POU2F1: variants seen among roughly 807,000 people sequenced by gnomAD.
POU2F1 encodes POU domain, class 2, transcription factor 1.
In POU2F1, 16 loss-of-function variants were observed where a neutral mutation model predicts 84.9. That is an observed-to-expected ratio of 0.19 (90% CI 0.13 to 0.29). The LOEUF is 0.29. Ranked by LOEUF, POU2F1 falls within the 10% of genes least tolerant of loss-of-function variation. The pLI, the probability that POU2F1 is intolerant of heterozygous loss-of-function variation, is 1.00. For missense variants in POU2F1, 738 were observed against 942.6 expected (o/e 0.78, Z 2.84); for synonymous variants, 368 against 368.3 (o/e 1.00, Z 0.01).
At chr1:167,389,500 G>A in intron 8 of POU2F1, 88 bp from the exon 9 acceptor site, 1 of 1,404,272 alleles carries the variant, frequency 7.1e-7, no homozygotes. Flanking sequence ...ATCCATAAAT[G>A]TGGCTCTTTC....
At chr1:167,255,215 A>G (rs920983183) in intron 1 of POU2F1, among the ~76,000 whole-genome samples, 2 of 152,234 alleles carry the variant, frequency 1.3e-5, no homozygotes, top group African/African-American at 4.8e-5. Context: ...ATGCTGTAAG[A>G]GAAACTGTTG....
At chr1:167,359,728 C>T (rs1343197270) in intron 2 of POU2F1, among the ~76,000 whole-genome samples, 1 of 150,036 alleles carries the variant, frequency 6.7e-6, no homozygotes, top group Non-Finnish European at 1.5e-5. Context: ...AATGGTAATT[C>T]TGTTTTTAGT....
intron 1 of POU2F1, among the ~76,000 whole-genome samples, chr1:167,254,479 C>A (rs1373011514): frequency 6.6e-6 from 1 of 152,130 alleles, no homozygotes; most frequent in Non-Finnish European, 1.5e-5. Flanking sequence ...TTGTGTCTTG[C>A]CTAAGTTTAA....
chr1:167,373,178 T>C (rs981830433), intron 5 of POU2F1, among the ~76,000 whole-genome samples: 6 of 152,178 alleles, frequency 3.9e-5, no homozygotes, highest in Non-Finnish European at 8.8e-5. Context: ...TTGATTCTTT[T>C]AGAGGAGGTT....
intron 2 of POU2F1, among the ~76,000 whole-genome samples, chr1:167,364,985 T>C (rs569038802): frequency 1.2e-4 from 18 of 152,372 alleles, no homozygotes; most frequent in Admixed American, 5.9e-4. Flanking sequence ...TTTATGCTTA[T>C]CATGGAGAAG....
At chr1:167,375,127 T>C (rs1170216616) in intron 6 of POU2F1, among the ~76,000 whole-genome samples, 1 of 152,126 alleles carries the variant, frequency 6.6e-6, no homozygotes, top group Non-Finnish European at 1.5e-5. Flanking sequence ...TAAGTAGATA[T>C]ATCAGTAAAA....
rs1433826315 is a variant in POU2F1 at position 167,424,896 on chromosome 1, C to G, written c.*9086C>G. ...TTCCTTGGTGGGGTAGAGGCCAACC[C>G]CTTCTCCTCTGAGGCCTCAGGGTTC... On this transcript the variant is annotated 3_prime_UTR_variant, in exon 16 of 16. Transcript: ENST00000367866. 1 of 152,110 alleles carries G rather than the reference C, an allele frequency of 6.6e-6. No individual in the cohort carries two copies. Among genetic ancestry groups the G allele is most frequent in the African/African-American group, 2.4e-5 (1 of 41,392 alleles). 9.4% of individuals were successfully genotyped at this position (152,110 alleles called of 1,614,324 possible).
chr1:167,230,256 G>C (rs2102338553), intron 1 of POU2F1, among the ~76,000 whole-genome samples: 1 of 152,266 alleles, frequency 6.6e-6, no homozygotes, highest in East Asian at 1.9e-4. Context: ...TCCTCCATTG[G>C]AAGGCCATGG....
At chr1:167,413,186 TG>T in intron 15 of POU2F1, 72 bp downstream of exon 15, 1 of 973,658 alleles carries the variant, frequency 1.0e-6, no homozygotes, top group Non-Finnish European at 1.5e-6. Flanking sequence ...TGTGTGTGTG[TG>T]TGCTTGAGAC....
At chr1:167,280,192 A>G (rs2984903) in intron 1 of POU2F1, among the ~76,000 whole-genome samples, 11,679 of 138,850 alleles carry the variant, frequency 0.084, 1,456 homozygotes, top group African/African-American at 0.29. Flanking sequence ...TGTCTCGGGG[A>G]AAAAAAAAAA....
At chr1:167,257,275 G>A (rs1651210587) in intron 1 of POU2F1, among the ~76,000 whole-genome samples, 1 of 152,192 alleles carries the variant, frequency 6.6e-6, no homozygotes, top group African/African-American at 2.4e-5. Context: ...TGAGCATGAG[G>A]ATAACTTAAA....
At chr1:167,231,022 C>T (rs1194631763) in intron 1 of POU2F1, among the ~76,000 whole-genome samples, 2 of 152,176 alleles carry the variant, frequency 1.3e-5, no homozygotes, top group East Asian at 3.8e-4. Flanking sequence ...TTATTTATTG[C>T]TTAGCATACC....
At chr1:167,273,070 C>T (rs1201701765) in intron 1 of POU2F1, among the ~76,000 whole-genome samples, 2 of 152,194 alleles carry the variant, frequency 1.3e-5, no homozygotes, top group Admixed American at 1.3e-4. Context: ...GGGCTACAGG[C>T]CCTGTGCAAG....
chr1:167,396,149 G>A (rs1001696866), intron 9 of POU2F1, 137 bp from the exon 10 acceptor site: 10 of 984,602 alleles, frequency 1.0e-5, no homozygotes, highest in Non-Finnish European at 1.5e-5. Context: ...AGTTTATGTG[G>A]GACCCCGTAA....
chr1:167,306,143 A>T (rs1356114239), intron 1 of POU2F1, among the ~76,000 whole-genome samples: 1 of 152,194 alleles, frequency 6.6e-6, no homozygotes, highest in East Asian at 1.9e-4. Context: ...AATCATAACT[A>T]CCTGGGACTG....
intron 1 of POU2F1, among the ~76,000 whole-genome samples, chr1:167,272,024 G>A (rs1434325607): frequency 6.6e-6 from 1 of 152,150 alleles, no homozygotes; most frequent in Non-Finnish European, 1.5e-5. Context: ...CTTTTATGCT[G>A]CAACAGCAGA....
At chr1:167,359,984 C>A (rs1303236707) in intron 2 of POU2F1, among the ~76,000 whole-genome samples, 1 of 151,250 alleles carries the variant, frequency 6.6e-6, no homozygotes, top group Non-Finnish European at 1.5e-5. Flanking sequence ...TGTATGTCTT[C>A]TTTTGAGACG....
intron 1 of POU2F1, among the ~76,000 whole-genome samples, chr1:167,298,130 AAACAAC>A (rs71572442): frequency 2.0e-5 from 3 of 148,814 alleles, no homozygotes; most frequent in African/African-American, 4.9e-5. Flanking sequence ...CCATCTCCAA[AAACAAC>A]AACAACAACA....
chr1:167,329,818 T>G (rs1400252072), intron 1 of POU2F1, among the ~76,000 whole-genome samples: 1 of 152,202 alleles, frequency 6.6e-6, no homozygotes, highest in East Asian at 1.9e-4. Context: ...AACAGATCTG[T>G]TGATCGATTT....
Sources: gnomAD v4.1 joint callset for allele counts (sites outside exome capture counted in the v4.1 genomes callset) on GRCh38, gnomAD v4.1.1 for gene constraint, MANE v1.5 for transcripts, NCBI Gene and HGNC (gene_info 2026-07-23, HGNC 2026-07-21) for gene names.